Variants in XPO4 observed in about 807,000 individuals in gnomAD.
The protein encoded by XPO4 is exportin 4.
In XPO4, 39 loss-of-function variants were observed where a neutral mutation model predicts 143.0. The ratio of observed to expected loss-of-function variants is 0.27; its 90% CI spans 0.21 to 0.36. The LOEUF is 0.36. Ranked by LOEUF, XPO4 falls within the 10% of genes least tolerant of loss-of-function variation. XPO4 has a pLI of 1.00. For missense variants in XPO4, 907 were observed against 1,348.0 expected (o/e 0.67, Z 5.12); for synonymous variants, 439 against 474.0 (o/e 0.93, Z 0.96).
At chr13:20,826,425 G>A (rs187296158) in intron 7 of XPO4, among the ~76,000 whole-genome samples, 176 of 152,254 alleles carry the variant, frequency 1.2e-3, no homozygotes, top group African/African-American at 4.0e-3. Context: ...GGTTGCCTGT[G>A]AGGAAAAAAA....
chr13:20,794,943 T>A (rs553816016), intron 18 of XPO4, among the ~76,000 whole-genome samples: 20 of 149,978 alleles, frequency 1.3e-4, no homozygotes, highest in Middle Eastern at 3.4e-3. Context: ...GTAAACCTTC[T>A]ACACTGTGAA....
At chr13:20,790,346 C>G (rs912727644) in intron 19 of XPO4, 116 bp downstream of exon 19, 1 of 808,910 alleles carries the variant, frequency 1.2e-6, no homozygotes, top group African/African-American at 1.7e-5. Context: ...ATTGTATCTT[C>G]ATGTGCACTT....
intron 3 of XPO4, chr13:20,859,955 AG>A (rs2060181260): frequency 1.7e-6 from 1 of 571,956 alleles, no homozygotes. Flanking sequence ...GGGGGAGAAA[AG>A]GCTATGACAA....
At chr13:20,882,708 C>T (rs927963047) in intron 1 of XPO4, among the ~76,000 whole-genome samples, 1 of 151,880 alleles carries the variant, frequency 6.6e-6, no homozygotes, top group Non-Finnish European at 1.5e-5. Context: ...GCCAACATGG[C>T]AAAATCCCAT....
rs71200306 is a variant in XPO4 at position 20,861,777 on chromosome 13, CTTTTTTT to C, written c.317+933_317+939del. On this transcript the variant is annotated intron_variant, in intron 3 of 22. Transcript: ENST00000255305. ...TTAATAGAACCTTGCACATTTCTCT[CTTTTTTT>C]TTTTTTTTTTTTTTTTTTTTGAGAA... 1.8e-3 allele frequency among the ~76,000 whole-genome samples: 133 copies of C among 73,456 alleles called. 1 individual carries two copies. The highest frequency in any genetic ancestry group is 3.9e-3 in the African/African-American group (82 of 20,814). 48.2% of individuals were successfully genotyped at this position (73,456 alleles called of 152,430 possible).
Position 20,807,461 on chromosome 13 carries a change from T to C in XPO4, c.1813A>G (p.Ile605Val). The C allele has an allele frequency of 6.2e-7, 1 of 1,610,548 alleles. No individual in the cohort carries two copies. ...IPGYNRTDSV[I>V]RLLSAILRVS... ...CAGCTATAGAGTTTATATTACCTAA[T>C]CACAGAATCTGTTCTGTTGTACCCT... is the stretch of plus-strand genomic sequence containing the variant. The change falls in exon 13 of 23, where the codon ATT becomes GTT. Residue 605 changes from isoleucine to valine, a missense_variant. Coordinates refer to ENST00000255305, the MANE Select transcript of XPO4 (RefSeq NM_022459.5).
At chr13:20,850,738 C>T in intron 4 of XPO4, 1 of 942,072 alleles carries the variant, frequency 1.1e-6, no homozygotes, top group Non-Finnish European at 1.3e-6. Context: ...GCACTTCAGC[C>T]CAGGCGATAG....
chr13:20,788,058 T>G (rs1036784659), intron 20 of XPO4, among the ~76,000 whole-genome samples: 12 of 63,590 alleles, frequency 1.9e-4, no homozygotes, highest in African/African-American at 8.2e-4. Flanking sequence ...TGTTTTTTTG[T>G]TTTTTTTTTT....
At chr13:20,850,019 T>A (rs1184617988) in intron 4 of XPO4, 2 of 733,288 alleles carry the variant, frequency 2.7e-6, no homozygotes, top group African/African-American at 3.8e-5. Flanking sequence ...GGCATGAGAA[T>A]CGCTTAAACC....
chr13:20,787,251 A>T (rs1270473210), intron 21 of XPO4, among the ~76,000 whole-genome samples, 194 bp from the exon 22 acceptor site: 2 of 152,248 alleles, frequency 1.3e-5, no homozygotes, highest in African/African-American at 4.8e-5. Context: ...ATAATCAACA[A>T]TATCAAATTC....
rs541359998 is a variant in XPO4 at position 20,821,693 on chromosome 13, T to A, written c.1173+11A>T. 6.2e-7 allele frequency: 1 copy of A among 1,606,330 alleles called. No individual in the cohort carries two copies. The highest frequency in any genetic ancestry group is 2.2e-5 in the East Asian group (1 of 44,682). ...AAAACTGACACAATTTACTTTAGAA[T>A]AGTCACTCACCACTTCTTCCAATGC... is the stretch of plus-strand genomic sequence containing the variant. On this transcript the variant is annotated intron_variant, in intron 9 of 22. Coordinates refer to ENST00000255305, the MANE Select transcript of XPO4 (RefSeq NM_022459.5).
intron 6 of XPO4, among the ~76,000 whole-genome samples, chr13:20,839,702 G>A (rs1395077590): frequency 6.6e-6 from 1 of 152,004 alleles, no homozygotes; most frequent in Non-Finnish European, 1.5e-5. Flanking sequence ...ATTAGTCAGG[G>A]CCAGGTATGG....
intron 19 of XPO4, among the ~76,000 whole-genome samples, chr13:20,789,480 C>T (rs187018597): frequency 2.2e-4 from 33 of 151,560 alleles, no homozygotes; most frequent in African/African-American, 7.3e-4. Flanking sequence ...CTGCAAGCTC[C>T]GCCTCCCGGG....
At chr13:20,853,062 T>C (rs2060104896) in intron 4 of XPO4, 6 of 984,868 alleles carry the variant, frequency 6.1e-6, no homozygotes, top group Non-Finnish European at 7.2e-6. Flanking sequence ...CCAGCCGTGG[T>C]GGCTCACATC....
intron 18 of XPO4, among the ~76,000 whole-genome samples, chr13:20,791,801 T>A (rs1446899665): frequency 6.6e-6 from 1 of 152,246 alleles, no homozygotes; most frequent in East Asian, 1.9e-4. Context: ...AAGGGCATAT[T>A]TCTTATAACA....
intron 3 of XPO4, among the ~76,000 whole-genome samples, chr13:20,856,631 G>A (rs1479345919): frequency 6.6e-6 from 1 of 152,144 alleles, no homozygotes; most frequent in Non-Finnish European, 1.5e-5. Context: ...CAATTCACCT[G>A]TTGCCCCAAA....
At chr13:20,807,944 A>G (rs914631960) in intron 12 of XPO4, among the ~76,000 whole-genome samples, 1 of 152,148 alleles carries the variant, frequency 6.6e-6, no homozygotes, top group Non-Finnish European at 1.5e-5. Flanking sequence ...TACTATCTAT[A>G]TTAGAAGTCA....
At chr13:20,876,139 G>A (rs2060349486) in intron 1 of XPO4, among the ~76,000 whole-genome samples, 1 of 148,926 alleles carries the variant, frequency 6.7e-6, no homozygotes. Context: ...GCACATGCCT[G>A]TAAACCCAGC....
chr13:20,852,710 A>C (rs1415802351), intron 4 of XPO4: 1 of 979,032 alleles, frequency 1.0e-6, no homozygotes, highest in Non-Finnish European at 1.2e-6. Context: ...AGCAAGGTAC[A>C]CCACATCTAT....
Sources: gnomAD v4.1 joint callset for allele counts (sites outside exome capture counted in the v4.1 genomes callset) on GRCh38, gnomAD v4.1.1 for gene constraint, MANE v1.5 for transcripts, NCBI Gene and HGNC (gene_info 2026-07-23, HGNC 2026-07-21) for gene names.